Variants in VSX2 observed in about 807,000 individuals in gnomAD.
The protein encoded by VSX2 is visual system homeobox 2.
In VSX2, 28 loss-of-function variants were observed where a neutral mutation model predicts 32.1. The ratio of observed to expected loss-of-function variants is 0.87; its 90% CI spans 0.65 to 1.20. The LOEUF is 1.20. Among genes scored for constraint, VSX2 ranks in the 50% most tolerant of loss-of-function variants. VSX2 has a pLI of 0.00. For missense variants in VSX2, 506 were observed against 488.7 expected (o/e 1.04, Z -0.33); for synonymous variants, 243 against 214.1 (o/e 1.14, Z -1.18).
chr14:74,256,530 C>G (rs111798789), intron 3 of VSX2, among the ~76,000 whole-genome samples: 2,955 of 152,248 alleles, frequency 0.019, 106 homozygotes, highest in African/African-American at 0.066. Context: ...GTCACCCGAC[C>G]AGGAAGTAGG....
intron 3 of VSX2, among the ~76,000 whole-genome samples, chr14:74,251,382 G>T (rs1047504627): frequency 6.6e-6 from 1 of 152,174 alleles, no homozygotes; most frequent in African/African-American, 2.4e-5. Flanking sequence ...CCCGGGAGGC[G>T]GAGGTTGCAG....
chr14:74,245,401 C>A, intron 3 of VSX2, 113 bp downstream of exon 3: 2 of 1,430,684 alleles, frequency 1.4e-6, no homozygotes, highest in Non-Finnish European at 9.6e-7. Context: ...TGGGCATGTG[C>A]TTGCCTATGA....
chr14:74,239,499 G>A lies in VSX2; in HGVS notation c.-63G>A, dbSNP rs1248508767. 13 of 1,548,082 alleles carry A rather than the reference G, an allele frequency of 8.4e-6. No homozygotes were observed. Among genetic ancestry groups the A allele is most frequent in the Non-Finnish European group, 1.1e-5 (13 of 1,146,400 alleles). On this transcript the variant is annotated 5_prime_UTR_variant, in exon 1 of 5. Coordinates refer to ENST00000261980, the MANE Select transcript of VSX2 (RefSeq NM_182894.3). ...TGGGACCAACTTCGCGAAGCGGGAAGCCCGGCGGGGGGGTGGGGGGAGCTA... is the reference window on the plus strand; with the variant it reads ...TGGGACCAACTTCGCGAAGCGGGAAACCCGGCGGGGGGGTGGGGGGAGCTA...
Position 74,239,804 on chromosome 14 carries a change from CG to C in VSX2, c.249del (p.Leu84SerfsTer57), listed in dbSNP as rs1033708386. On this transcript the variant is annotated frameshift_variant, in exon 1 of 5. Transcript: ENST00000261980. LOFTEE classifies it high-confidence loss of function. ...GVGGMGLLGP[G>X]GLPGFYTQPT... The stretch of plus-strand genomic sequence containing the variant: ...TGGGCGGCATGGGGCTTCTGGGGCC[CG>C]GGGGGCTCCCTGGCTTCTACACGCA... The C allele has an allele frequency of 7.0e-6, 11 of 1,569,420 alleles. No homozygotes were observed. Among genetic ancestry groups the C allele is most frequent in the South Asian group, 3.5e-5 (3 of 85,468 alleles).
chr14:74,248,957 G>C (rs1282714127), intron 3 of VSX2, among the ~76,000 whole-genome samples: 2 of 152,196 alleles, frequency 1.3e-5, no homozygotes, highest in Non-Finnish European at 2.9e-5. Flanking sequence ...GGCAGGTTAA[G>C]TTTAACAGGC....
chr14:74,249,642 A>G (rs1304584742), intron 3 of VSX2, among the ~76,000 whole-genome samples: 2 of 152,224 alleles, frequency 1.3e-5, no homozygotes, highest in Non-Finnish European at 1.5e-5. Flanking sequence ...CTAGATGAAG[A>G]AACTGAGGGG....
At chr14:74,259,998 C>G (rs1358356533) in intron 4 of VSX2, among the ~76,000 whole-genome samples, 1 of 152,182 alleles carries the variant, frequency 6.6e-6, no homozygotes, top group Non-Finnish European at 1.5e-5. Context: ...GCCAAGAACT[C>G]TCATCATGAA....
At position 74,244,929 on chromosome 14, in the gene VSX2, T is replaced by TGTGTGTGTGTGAGAGAGAGAGA. The variant is rs1555387789; in HGVS notation, c.456-235_456-234insTGTGTGTGTGAGAGAGAGAGAG. On this transcript the variant is annotated intron_variant, in intron 2 of 4. Coordinates refer to ENST00000261980, the MANE Select transcript of VSX2 (RefSeq NM_182894.3). ...GTGTGTGTGTGTGTGTGTGTGTGTG[T>TGTGTGTGTGTGAGAGAGAGAGA]GAAAGAGAGAGAGAAAGTGTGTGTG... 9.0e-4 allele frequency among the ~76,000 whole-genome samples: 35 copies of TGTGTGTGTGTGAGAGAGAGAGA among 38,894 alleles called. 2 individuals are homozygous for TGTGTGTGTGTGAGAGAGAGAGA. The highest frequency in any genetic ancestry group is 2.0e-3 in the African/African-American group (27 of 13,722). 25.5% of individuals were successfully genotyped at this position (38,894 alleles called of 152,430 possible).
In VSX2 at chr14:74,261,033, T is replaced by G; in HGVS notation, c.*114T>G. On this transcript the variant is annotated 3_prime_UTR_variant, in exon 5 of 5. Transcript: ENST00000261980. ...GACCTGGCCTCTGCCATCCTCCCTG[T>G]TCCCCACAGGTCCTCCATCACCCCT... The G allele has an allele frequency of 7.9e-7, 1 of 1,268,192 alleles. No homozygotes were observed. The highest frequency in any genetic ancestry group is 1.1e-6 in the Non-Finnish European group (1 of 906,872). The allele number at this position is 1,268,192 out of a possible 1,614,324, so 78.6% of individuals were successfully genotyped here.
At chr14:74,242,729 C>G (rs2079158968) in intron 2 of VSX2, among the ~76,000 whole-genome samples, 1 of 151,712 alleles carries the variant, frequency 6.6e-6, no homozygotes, top group Middle Eastern at 3.2e-3. Context: ...CTTCCCCAGG[C>G]AGGGACAGGG....
chr14:74,258,012 A>C (rs1049009025), intron 3 of VSX2, among the ~76,000 whole-genome samples: 13 of 152,074 alleles, frequency 8.5e-5, no homozygotes, highest in Admixed American at 1.3e-4. Flanking sequence ...CCGAGCCCGC[A>C]TGCATTTCCG....
At position 74,260,610 on chromosome 14, in the gene VSX2, G is replaced by T. The variant is rs371707151; in HGVS notation, c.777G>T (p.Ser259=). Reference sequence around the variant, plus strand: ...TCTTTCTAGGGATGCACAAAAAGTCGCTGGAGGCAGCAGCCGAGTCGGGGA... The same window carrying T: ...TCTTTCTAGGGATGCACAAAAAGTCTCTGGAGGCAGCAGCCGAGTCGGGGA... The part of the protein sequence containing the change: ...APWLLGMHKK[S]LEAAAESGRK... Residue 259 remains serine (S), a synonymous_variant, in exon 5 of 5, where the codon TCG becomes TCT. Coordinates refer to ENST00000261980, the MANE Select transcript of VSX2 (RefSeq NM_182894.3). The T allele has an allele frequency of 3.1e-5, 49 of 1,603,544 alleles. No individual in the cohort carries two copies. Among genetic ancestry groups the T allele is most frequent in the Non-Finnish European group, 4.0e-5 (47 of 1,175,778 alleles).
rs537753574 is a variant in VSX2 at position 74,254,784 on chromosome 14, A to ATTTTTTTTTTTTTTTTTTT, written c.580-4805_580-4804insTTTTTTTTTTTTTTTTTTT. On this transcript the variant is annotated intron_variant, in intron 3 of 4. Transcript: ENST00000261980. ...ATCCTCCAAAAACCCCGAAAAGTGG[A>ATTTTTTTTTTTTTTTTTTT]TTTTTTTTTTTTTGAGACGCAGTCT... 1.7e-3 allele frequency among the ~76,000 whole-genome samples: 198 copies of ATTTTTTTTTTTTTTTTTTT among 116,614 alleles called. 31 individuals carry two copies. The highest frequency in any genetic ancestry group is 3.4e-3 in the African/African-American group (103 of 30,320). 76.5% of individuals were successfully genotyped at this position (116,614 alleles called of 152,430 possible).
In VSX2 at chr14:74,245,148, G is replaced by A. The variant is rs772944015; in HGVS notation, c.456-17G>A. ...TTAGTTTCTGGGGTCCTGAGTGTTC[G>A]GTCTTGCTCCCCTCAGGACAATCTT... On this transcript the variant is annotated splice_polypyrimidine_tract_variant and intron_variant, in intron 2 of 4. Coordinates refer to ENST00000261980, the MANE Select transcript of VSX2 (RefSeq NM_182894.3). The A allele has an allele frequency of 1.8e-5, 29 of 1,613,218 alleles. No individual in the cohort carries two copies. The African/African-American group carries it at 3.3e-4, about 19-fold the overall frequency.
At chr14:74,259,479 G>C in intron 3 of VSX2, 123 bp from the exon 4 acceptor site, 1 of 1,100,678 alleles carries the variant, frequency 9.1e-7, no homozygotes, top group Non-Finnish European at 1.4e-6. Context: ...GCACCATGGA[G>C]TAGGCGAGCT....
Position 74,239,678 on chromosome 14 carries a change from C to T in VSX2, c.117C>T (p.Gly39=), listed in dbSNP as rs747878344. 6.4e-7 allele frequency: 1 copy of T among 1,550,444 alleles called. No individual in the cohort carries two copies. The highest frequency in any genetic ancestry group is 2.0e-5 in the Admixed American group (1 of 51,012). The part of the protein sequence containing the change: ...CTGFGIQEIL[G]LNKEPPSSHP... ...GGTTCGGCATCCAGGAGATCCTGGG[C>T]TTGAACAAGGAGCCCCCGAGCTCCC... is the stretch of plus-strand genomic sequence containing the variant. The change falls in exon 1 of 5, where the codon GGC becomes GGT. Residue 39 remains glycine (G), a synonymous_variant. Transcript: ENST00000261980.
At chr14:74,244,913 T>TGAAAGAGAGAGAGAAAGAGAGAGAGAAA (rs1566884380) in intron 2 of VSX2, among the ~76,000 whole-genome samples, 2 of 59,220 alleles carry the variant, frequency 3.4e-5, no homozygotes, top group Admixed American at 4.4e-4. Flanking sequence ...TGTGTGTGTG[T>TGAAAGAGAGAGAGAAAGAGAGAGAGAAA]GTGTGTGTGT....
chr14:74,250,982 C>A (rs570910807), intron 3 of VSX2, among the ~76,000 whole-genome samples: 1 of 151,750 alleles, frequency 6.6e-6, no homozygotes, highest in South Asian at 2.1e-4. Flanking sequence ...TGCGCTCCCC[C>A]GGCCAACACC....
intron 3 of VSX2, among the ~76,000 whole-genome samples, chr14:74,248,891 C>T (rs964578363): frequency 2.0e-5 from 3 of 152,166 alleles, no homozygotes; most frequent in Non-Finnish European, 4.4e-5. Flanking sequence ...GAGGTGCCTC[C>T]TGAGTATTCC....
Sources: allele counts gnomAD v4.1 joint callset (sites outside exome capture counted in the v4.1 genomes callset), GRCh38; gene constraint gnomAD v4.1.1; transcripts MANE v1.5; gene names NCBI Gene and HGNC (gene_info 2026-07-23, HGNC 2026-07-21).